ST18: variants seen among roughly 807,000 people sequenced by gnomAD.
The protein encoded by ST18 is ST18 C2H2C-type zinc finger transcription factor.
A neutral mutation model predicts 110.0 loss-of-function variants in ST18; 50 were observed. That is an observed-to-expected ratio of 0.45 (90% CI 0.36 to 0.58). The LOEUF (loss-of-function observed/expected upper bound fraction) is 0.58. Among genes scored for constraint, ST18 ranks in the 20% least tolerant of loss-of-function variants. ST18 has a pLI of 0.00. For synonymous variants in ST18, 461 were observed against 452.4 expected (o/e 1.02, Z -0.24); for missense variants, 1,306 against 1,280.1 (o/e 1.02, Z -0.31).
At chr8:52,275,759 C>G (rs750308822) in intron 2 of ST18, among the ~76,000 whole-genome samples, 1 of 152,048 alleles carries the variant, frequency 6.6e-6, no homozygotes, top group Non-Finnish European at 1.5e-5. Flanking sequence ...CTGCAGTTAC[C>G]AAGATGAGAT....
At chr8:52,222,633 C>A (rs1215579407) in intron 3 of ST18, among the ~76,000 whole-genome samples, 1 of 152,202 alleles carries the variant, frequency 6.6e-6, no homozygotes, top group Non-Finnish European at 1.5e-5. Flanking sequence ...GCTCTCCATC[C>A]ATGTGTCTAT....
chr8:52,348,490 C>T lies in ST18; in HGVS notation c.-465+60838G>A, dbSNP rs539848337. Among the ~76,000 whole-genome samples the T allele has an allele frequency of 2.1e-4, 32 of 152,334 alleles. No homozygotes were observed. In the South Asian group the frequency reaches 2.3e-3, roughly 11 times the overall value. ...TATTTCAGCTGGGTGCGGTGGCTCA[C>T]GCCTGTAATCCCAGCACTTCGGGAA... On this transcript the variant is annotated intron_variant, in intron 2 of 25. Coordinates refer to ENST00000689386, the MANE Select transcript of ST18 (RefSeq NM_001352837.2).
At chr8:52,193,583 G>T (rs1416252816) in intron 8 of ST18, among the ~76,000 whole-genome samples, 2 of 149,868 alleles carry the variant, frequency 1.3e-5, no homozygotes, top group African/African-American at 2.5e-5. Flanking sequence ...CTGCTCCCTG[G>T]CAGGCTGTGC....
At chr8:52,285,525 G>A (rs376668194) in intron 2 of ST18, among the ~76,000 whole-genome samples, 3 of 152,182 alleles carry the variant, frequency 2.0e-5, no homozygotes, top group Admixed American at 6.5e-5. Flanking sequence ...GACTGGTCAC[G>A]ATTAGTGTTG....
At chr8:52,174,278 A>G (rs1009766871) in intron 9 of ST18, among the ~76,000 whole-genome samples, 1 of 152,250 alleles carries the variant, frequency 6.6e-6, no homozygotes, top group African/African-American at 2.4e-5. Flanking sequence ...TCTAAAATGC[A>G]AATGAAGTTT....
At chr8:52,177,962 CATT>C (rs765294530) in intron 9 of ST18, among the ~76,000 whole-genome samples, 2 of 152,244 alleles carry the variant, frequency 1.3e-5, no homozygotes, top group African/African-American at 2.4e-5. Flanking sequence ...TTAGCATATT[CATT>C]ATTATTATTA....
At chr8:52,364,340 G>C (rs1463543618) in intron 2 of ST18, among the ~76,000 whole-genome samples, 1 of 152,144 alleles carries the variant, frequency 6.6e-6, no homozygotes, top group African/African-American at 2.4e-5. Context: ...GGAAGGAAAA[G>C]GACTCTGGTT....
rs74733891 is a variant in ST18 at position 52,339,375 on chromosome 8, C to T, written c.-465+69953G>A. ...CCAGATCTCAAGGGCTCAGGACATT[C>T]GGTCAGGCCACTGGGGATAAACTCC... On this transcript the variant is annotated intron_variant, in intron 2 of 25. Transcript: ENST00000689386. Among the ~76,000 whole-genome samples the T allele has an allele frequency of 7.5e-3, 1,143 of 152,338 alleles. 10 individuals carry two copies. Among genetic ancestry groups the T allele is most frequent in the African/African-American group, 0.026 (1,080 of 41,576 alleles).
At chr8:52,252,318 T>C (rs2094349970) in intron 2 of ST18, among the ~76,000 whole-genome samples, 3 of 152,060 alleles carry the variant, frequency 2.0e-5, no homozygotes, top group South Asian at 4.1e-4. Flanking sequence ...TAATTCTGAC[T>C]TTTAAAAATG....
chr8:52,172,733 T>TAATATTACACATATTACAGAGATGTAATA, intron 9 of ST18, 150 bp from the exon 10 acceptor site: 1 of 541,170 alleles, frequency 1.8e-6, no homozygotes, highest in Non-Finnish European at 3.1e-6. Flanking sequence ...ATAATATGTG[T>TAATATTACACATATTACAGAGATGTAATA]AATATATCAT....
intron 2 of ST18, among the ~76,000 whole-genome samples, chr8:52,287,836 ATTACG>A (rs2095493979): frequency 6.6e-6 from 1 of 152,182 alleles, no homozygotes; most frequent in South Asian, 2.1e-4. Context: ...ATTCCCACCT[ATTACG>A]TCTTAATTTA....
chr8:52,267,123 G>A (rs1197057938), intron 2 of ST18, among the ~76,000 whole-genome samples: 3 of 152,076 alleles, frequency 2.0e-5, no homozygotes, highest in African/African-American at 7.2e-5. Flanking sequence ...CTTCTGCGAT[G>A]GTGCACTCGT....
intron 2 of ST18, among the ~76,000 whole-genome samples, chr8:52,330,679 C>T (rs1808841765): frequency 6.6e-6 from 1 of 152,232 alleles, no homozygotes; most frequent in Non-Finnish European, 1.5e-5. Context: ...AGATGACCGG[C>T]TCTGGGCATG....
intron 2 of ST18, among the ~76,000 whole-genome samples, chr8:52,270,033 A>G (rs983353883): frequency 2.0e-5 from 3 of 152,178 alleles, no homozygotes; most frequent in African/African-American, 7.2e-5. Context: ...TATATTTTTA[A>G]TAAGTTAGTT....
chr8:52,229,775 A>G (rs2090754078), intron 3 of ST18: 1 of 152,204 alleles, frequency 6.6e-6, no homozygotes, highest in Admixed American at 6.5e-5. Flanking sequence ...GTTAATTCTG[A>G]ATGTCTTACA....
intron 2 of ST18, among the ~76,000 whole-genome samples, chr8:52,233,409 C>T (rs929394261): frequency 6.6e-6 from 1 of 151,792 alleles, no homozygotes; most frequent in Non-Finnish European, 1.5e-5. Context: ...GACAAAAACT[C>T]CACCCTAGGA....
At chr8:52,124,517 T>G (rs2131066970) in intron 23 of ST18, among the ~76,000 whole-genome samples, 1 of 152,338 alleles carries the variant, frequency 6.6e-6, no homozygotes, top group South Asian at 2.1e-4. Context: ...TTCATGTAGC[T>G]TTGCAGTCCT....
intron 2 of ST18, among the ~76,000 whole-genome samples, chr8:52,253,205 T>C (rs1005328193): frequency 9.9e-5 from 15 of 152,048 alleles, no homozygotes; most frequent in Non-Finnish European, 1.3e-4. Context: ...TGAAAAACAC[T>C]CCAGTTATTT....
At chr8:52,167,567 G>A (rs1409944776) in intron 10 of ST18, among the ~76,000 whole-genome samples, 3 of 152,242 alleles carry the variant, frequency 2.0e-5, no homozygotes, top group Non-Finnish European at 4.4e-5. Flanking sequence ...GTGATTCACG[G>A]TCTCGAGATT....
Sources: gnomAD v4.1 joint callset for allele counts (sites outside exome capture counted in the v4.1 genomes callset) on GRCh38, gnomAD v4.1.1 for gene constraint, MANE v1.5 for transcripts, NCBI Gene and HGNC (gene_info 2026-07-23, HGNC 2026-07-21) for gene names.